The following EVC2 variants were observed in gnomAD, a reference collection of about 807,000 sequenced individuals.
EVC2 encodes the protein limbin.
A neutral mutation model predicts 149.3 loss-of-function variants in EVC2; 148 were observed. That is an observed-to-expected ratio of 0.99 (90% CI 0.87 to 1.14). The LOEUF (loss-of-function observed/expected upper bound fraction) is 1.14, where lower values mean the gene tolerates loss of function less well. EVC2 is among the 50% of genes most tolerant of loss of function. The probability of loss-of-function intolerance (pLI) is 0.00; values close to 1 mark genes in which losing one functional copy is unlikely to be tolerated. For missense variants in EVC2, 1,854 were observed against 1,627.3 expected (o/e 1.14, Z -2.40); for synonymous variants, 776 against 649.9 (o/e 1.19, Z -2.95).
intron 21 of EVC2, among the ~76,000 whole-genome samples, chr4:5,554,682 T>C (rs115157769): frequency 2.0e-5 from 3 of 152,296 alleles, no homozygotes; most frequent in African/African-American, 7.2e-5. Flanking sequence ...TAAGAAACAC[T>C]TGTGAAGGTC....
At chr4:5,556,795 T>C (rs1386674062) in intron 21 of EVC2, among the ~76,000 whole-genome samples, 1 of 152,202 alleles carries the variant, frequency 6.6e-6, no homozygotes, top group East Asian at 1.9e-4. Context: ...AAAAGAATGC[T>C]GTGAACAACT....
At chr4:5,542,942 T>C in intron 22 of EVC2, 1 of 353,550 alleles carries the variant, frequency 2.8e-6, no homozygotes, top group Admixed American at 3.9e-5. Context: ...TAACCAATGA[T>C]TTTCTCTGCC....
downstream of EVC2, among the ~76,000 whole-genome samples, chr4:5,538,508 C>T (rs964099975): frequency 6.6e-6 from 1 of 152,042 alleles, no homozygotes; most frequent in East Asian, 1.9e-4. Context: ...CAGACAAAGA[C>T]ATTACAAGAA....
chr4:5,651,786 G>A (rs948391625), intron 9 of EVC2, among the ~76,000 whole-genome samples: 12 of 152,234 alleles, frequency 7.9e-5, no homozygotes, highest in Admixed American at 5.2e-4. Flanking sequence ...TGGGGAGCTA[G>A]CTGCCCCTCC....
At chr4:5,687,653 T>C (rs1043651931) in intron 5 of EVC2, among the ~76,000 whole-genome samples, 4 of 151,918 alleles carry the variant, frequency 2.6e-5, no homozygotes, top group Admixed American at 6.6e-5. Flanking sequence ...TAGAGATGAT[T>C]TGTATATTCA....
At chr4:5,704,256 G>A (rs545430914) in intron 1 of EVC2, among the ~76,000 whole-genome samples, 9 of 152,288 alleles carry the variant, frequency 5.9e-5, no homozygotes, top group Middle Eastern at 3.4e-3. Flanking sequence ...TAAAGAGAGT[G>A]AAAACTGTGT....
rs80321340 is a variant in EVC2 at position 5,650,582 on chromosome 4, G to A, written c.1146-9744C>T. Among the ~76,000 whole-genome samples the A allele has an allele frequency of 4.4e-3, 564 of 129,104 alleles. 1 individual carries two copies. The highest frequency in any genetic ancestry group is 0.015 in the African/African-American group (540 of 35,410). The allele number at this position is 129,104 out of a possible 152,430, so 84.7% of individuals were successfully genotyped here. A position where few individuals can be genotyped will look rare whatever the true frequency, so the allele number is the denominator to read the frequency against. On this transcript the variant is annotated intron_variant, in intron 9 of 21. Coordinates refer to ENST00000344408, the MANE Select transcript of EVC2 (RefSeq NM_147127.5). ...GAGGATTAGCAATAGTGCCTCTTAC[G>A]ATCAGGCTTTGTTTTAATCGCCATA...
intron 16 of EVC2, among the ~76,000 whole-genome samples, chr4:5,604,458 C>CA (rs1307722343): frequency 6.6e-6 from 1 of 152,086 alleles, no homozygotes. Context: ...CACAGAAAGA[C>CA]AAACATCACA....
chr4:5,595,308 C>A (rs1183893140), intron 16 of EVC2, among the ~76,000 whole-genome samples: 3 of 152,092 alleles, frequency 2.0e-5, no homozygotes, highest in South Asian at 4.1e-4. Flanking sequence ...ATGTTAAGGG[C>A]AGCCAGAGAG....
At chr4:5,588,933 T>C (rs1443440100) in intron 16 of EVC2, among the ~76,000 whole-genome samples, 1 of 152,264 alleles carries the variant, frequency 6.6e-6, no homozygotes, top group Admixed American at 6.5e-5. Flanking sequence ...ATTCCAATAA[T>C]GGAACACTAG....
In EVC2 at chr4:5,615,465, A is replaced by G. The variant is rs1715175041; in HGVS notation, c.2786T>C (p.Ile929Thr). 1 of 1,614,122 alleles carries G rather than the reference A, an allele frequency of 6.2e-7. No individual in the cohort carries two copies. Among genetic ancestry groups the G allele is most frequent in the African/African-American group, 1.3e-5 (1 of 75,000 alleles). Residue 929 changes from isoleucine to threonine, a missense_variant, in exon 16 of 22, where the codon ATT becomes ACT. By Grantham distance (89) the Ile-to-Thr change is moderately conservative. Coordinates refer to ENST00000344408, the MANE Select transcript of EVC2 (RefSeq NM_147127.5). ...AGAGGCCTGTTCCTCACAGAGGTGA[A>G]TTTTGTCTTCGATGCACTTCTTCAG... ...ELLKKCIEDK[I>T]HLCEEQASED...
chr4:5,556,930 A>C (rs1179988389), intron 21 of EVC2, among the ~76,000 whole-genome samples: 1 of 152,142 alleles, frequency 6.6e-6, no homozygotes, highest in Non-Finnish European at 1.5e-5. Context: ...AACAATCTAT[A>C]ATTGGTACCC....
At chr4:5,624,764 G>A (rs1196596047) in intron 13 of EVC2, among the ~76,000 whole-genome samples, 1 of 152,186 alleles carries the variant, frequency 6.6e-6, no homozygotes, top group Non-Finnish European at 1.5e-5. Flanking sequence ...GATGGGGTAT[G>A]CATCAGTGAT....
At chr4:5,534,838 A>G in the EVC2 span, among the ~76,000 whole-genome samples, 1 of 151,924 alleles carries the variant, frequency 6.6e-6, no homozygotes, top group African/African-American at 2.4e-5. Context: ...AAAAAAAAAA[A>G]AAAGCTAGAT....
At position 5,576,200 on chromosome 4, in the gene EVC2, G is replaced by C. The variant is rs1402647848; in HGVS notation, c.3272+40C>G. On this transcript the variant is annotated intron_variant, in intron 18 of 21. Transcript: ENST00000344408. The surrounding 1 kb of genome is among the most constrained non-coding windows in gnomAD (Gnocchi z 4.5). ...GATGCCAGGTTCTCCAGGACTGCTG[G>C]GGACTAATATCTTTGAGTGCTACGG... The C allele has an allele frequency of 1.9e-6, 3 of 1,613,806 alleles. No individual in the cohort carries two copies. The highest frequency in any genetic ancestry group is 1.3e-5 in the African/African-American group (1 of 74,900).
In EVC2 at chr4:5,614,315, G is replaced by A. The variant is rs781667382; in HGVS notation, c.2829+1107C>T. On this transcript the variant is annotated intron_variant, in intron 16 of 21. Coordinates refer to ENST00000344408, the MANE Select transcript of EVC2 (RefSeq NM_147127.5). The surrounding 1 kb of genome is among the most constrained non-coding windows in gnomAD (Gnocchi z 4.7). ...ATGATCCATTTCCCCCAACTAGAAC[G>A]GGCTCGCCTCTACTGGAGAGCAGGG... Among the ~76,000 whole-genome samples, 4 of 152,098 alleles carry A rather than the reference G, an allele frequency of 2.6e-5. No individual in the cohort carries two copies. Among genetic ancestry groups the A allele is most frequent in the Non-Finnish European group, 5.9e-5 (4 of 68,026 alleles).
chr4:5,651,171 C>T (rs1336691845), intron 9 of EVC2, among the ~76,000 whole-genome samples: 2 of 151,686 alleles, frequency 1.3e-5, no homozygotes, highest in African/African-American at 2.4e-5. Context: ...GAGGAATGCA[C>T]GGGTAGGCGA....
At position 5,622,945 on chromosome 4, in the gene EVC2, C is replaced by T. The variant is rs771312318; in HGVS notation, c.2093G>A (p.Arg698Gln). 1.2e-5 allele frequency: 20 copies of T among 1,613,968 alleles called. No homozygotes were observed. Among genetic ancestry groups the T allele is most frequent in the African/African-American group, 8.0e-5 (6 of 74,900 alleles). The change falls in exon 14 of 22, where the codon CGA becomes CAA. Residue 698 changes from arginine to glutamine, a missense_variant. By Grantham distance (43) the Arg-to-Gln change is conservative. Transcript: ENST00000344408. This position sits in a 1 kb window ranked among gnomAD's most constrained non-coding sequence, Gnocchi z 5.8. ...REQASVGEAF[R>Q]TVEDAGQYLH... ...GTACTGGCCGGCATCCTCAACCGTTCGGAAGGCCTCGCCGACGGACGCCTG... is the reference window on the plus strand; with the variant it reads ...GTACTGGCCGGCATCCTCAACCGTTTGGAAGGCCTCGCCGACGGACGCCTG...
intron 16 of EVC2, among the ~76,000 whole-genome samples, chr4:5,594,129 A>T (rs1173867775): frequency 6.6e-6 from 1 of 152,042 alleles, no homozygotes; most frequent in African/African-American, 2.4e-5. Flanking sequence ...TGTAGGCTCC[A>T]CCTCTGGGGG....
Sources: allele counts gnomAD v4.1 joint callset (sites outside exome capture counted in the v4.1 genomes callset), GRCh38; gene constraint gnomAD v4.1.1; non-coding constraint Gnocchi (gnomAD v3.1); transcripts MANE v1.5; gene names NCBI Gene and HGNC (gene_info 2026-07-23, HGNC 2026-07-21).